Variants in ERC2 observed in about 807,000 individuals in gnomAD.
The protein encoded by ERC2 is ERC protein 2.
ERC2 carries 42 observed loss-of-function variants against 114.8 expected under a neutral mutation model. The ratio of observed to expected loss-of-function variants is 0.37; its 90% CI spans 0.29 to 0.47. The LOEUF (loss-of-function observed/expected upper bound fraction) is 0.47. ERC2 is among the 20% of genes least tolerant of loss of function. The probability of loss-of-function intolerance (pLI) is 0.99; values close to 1 mark genes in which losing one functional copy is unlikely to be tolerated. For synonymous variants in ERC2, 454 were observed against 425.5 expected (o/e 1.07, Z -0.82); for missense variants, 939 against 1,150.7 (o/e 0.82, Z 2.66).
At chr3:56,150,793 AATGTTGAGTTCCCCAGAAATATAT>A (rs1177143627) in intron 4 of ERC2, among the ~76,000 whole-genome samples, 27 of 152,142 alleles carry the variant, frequency 1.8e-4, no homozygotes, top group African/African-American at 6.3e-4. Flanking sequence ...TTATGGACTG[AATGTTGAGTTCCCCAGAAATATAT>A]ATGTTGAAGC....
intron 2 of ERC2, among the ~76,000 whole-genome samples, chr3:56,426,249 A>C (rs999978929): frequency 6.6e-6 from 1 of 152,194 alleles, no homozygotes; most frequent in African/African-American, 2.4e-5. Flanking sequence ...AGGTCTGAGA[A>C]GTGAGTACAT....
chr3:55,910,497 T>C lies in ERC2; in HGVS notation c.2404-21948A>G, dbSNP rs138135196. ...GTATATATGTAGACATATAAATATG[T>C]GTTTCTAACTCTGCTGGAAATGAGA... On this transcript the variant is annotated intron_variant, in intron 13 of 17. Transcript: ENST00000288221. Among the ~76,000 whole-genome samples the C allele has an allele frequency of 7.8e-3, 1,184 of 152,330 alleles. 21 individuals carry two copies. The South Asian group carries it at 0.084, about 11-fold the overall frequency.
chr3:56,099,118 T>C (rs1014132238), intron 6 of ERC2, among the ~76,000 whole-genome samples: 14 of 151,912 alleles, frequency 9.2e-5, no homozygotes, highest in Non-Finnish European at 1.9e-4. Context: ...CAGAGAAGAG[T>C]AGAAGGCCAC....
intron 5 of ERC2, among the ~76,000 whole-genome samples, chr3:56,145,689 G>T (rs2081099894): frequency 1.3e-5 from 2 of 152,228 alleles, no homozygotes; most frequent in South Asian, 4.1e-4. Context: ...TTGTATTCCT[G>T]CCTTTGCACA....
intron 14 of ERC2, among the ~76,000 whole-genome samples, chr3:55,782,552 C>G (rs1010266914): frequency 2.0e-5 from 3 of 152,138 alleles, no homozygotes; most frequent in African/African-American, 2.4e-5. Context: ...TCTATTTACT[C>G]GACAAATACA....
chr3:55,961,788 C>T lies in ERC2; in HGVS notation c.2268-11228G>A, dbSNP rs148177933. Among the ~76,000 whole-genome samples the T allele has an allele frequency of 6.5e-3, 948 of 145,910 alleles. 9 individuals carry two copies. The highest frequency in any genetic ancestry group is 0.023 in the African/African-American group (889 of 39,440). On this transcript the variant is annotated intron_variant, in intron 12 of 17. Transcript: ENST00000288221. The stretch of plus-strand genomic sequence containing the variant: ...ACATCTGTTTTCAGAAAGGCACTTT[C>T]TATTAAAAAAAATTCAATTTCATAA...
chr3:56,174,560 T>C (rs1396983386), intron 3 of ERC2, among the ~76,000 whole-genome samples: 1 of 152,172 alleles, frequency 6.6e-6, no homozygotes. Context: ...ATCACAAACA[T>C]TTACTTTTTT....
At chr3:55,778,801 C>T (rs1041228770) in intron 14 of ERC2, among the ~76,000 whole-genome samples, 4 of 151,802 alleles carry the variant, frequency 2.6e-5, no homozygotes, top group Non-Finnish European at 1.5e-5. Context: ...TTCATGCATA[C>T]AAATAATTAG....
At position 55,846,934 on chromosome 3, in the gene ERC2, A is replaced by G. The variant is rs376876789; in HGVS notation, c.2564+41455T>C. ...AAGTTCCAGACCCACTGCTTCATAC[A>G]TCTGCCTGTTATTTGTGGAGGTAAT... On this transcript the variant is annotated intron_variant, in intron 14 of 17. Transcript: ENST00000288221. Among the ~76,000 whole-genome samples, 20 of 152,296 alleles carry G rather than the reference A, an allele frequency of 1.3e-4. 1 individual carries two copies. Among genetic ancestry groups the G allele is most frequent in the Admixed American group, 9.2e-4 (14 of 15,300 alleles).
chr3:56,292,319 C>T (rs2055139833), intron 3 of ERC2, among the ~76,000 whole-genome samples: 2 of 151,462 alleles, frequency 1.3e-5, no homozygotes, highest in Admixed American at 6.6e-5. Context: ...CACGGTGGCT[C>T]ACACCTGTAA....
intron 14 of ERC2, among the ~76,000 whole-genome samples, chr3:55,768,399 T>A (rs1032093373): frequency 1.3e-5 from 2 of 152,252 alleles, no homozygotes; most frequent in African/African-American, 2.4e-5. Context: ...TAATAGGCAC[T>A]GTGCTTTGTG....
intron 11 of ERC2, among the ~76,000 whole-genome samples, 164 bp from the exon 12 acceptor site, chr3:55,986,152 T>C (rs2070615345): frequency 6.6e-6 from 1 of 152,184 alleles, no homozygotes; most frequent in Non-Finnish European, 1.5e-5. Context: ...TTATCTTATA[T>C]TACCCCCAAA....
intron 2 of ERC2, among the ~76,000 whole-genome samples, chr3:56,428,556 G>GGAGA (rs2061664856): frequency 2.1e-5 from 1 of 48,364 alleles, no homozygotes. Context: ...AGGAAGGAAG[G>GGAGA]GAGGGAGGGA....
intron 7 of ERC2, among the ~76,000 whole-genome samples, chr3:56,046,429 C>T (rs948979377): frequency 1.3e-5 from 2 of 152,148 alleles, no homozygotes; most frequent in African/African-American, 4.8e-5. Context: ...GGTATTTACA[C>T]TGATAAGGGC....
intron 1 of ERC2, among the ~76,000 whole-genome samples, chr3:56,435,833 C>A (rs1178642894): frequency 6.6e-6 from 1 of 152,210 alleles, no homozygotes; most frequent in Non-Finnish European, 1.5e-5. Context: ...ATAGCCAGAT[C>A]CTCAATGATA....
intron 15 of ERC2, among the ~76,000 whole-genome samples, chr3:55,724,395 A>G (rs557581689): frequency 1.3e-5 from 2 of 152,312 alleles, no homozygotes; most frequent in East Asian, 3.9e-4. Context: ...ACAGGGGCTA[A>G]GACCTAACTG....
At chr3:56,173,720 G>A (rs2082812082) in intron 3 of ERC2, 200 bp from the exon 4 acceptor site, 2 of 539,116 alleles carry the variant, frequency 3.7e-6, no homozygotes, top group Non-Finnish European at 6.5e-6. Context: ...CCTGGCACAT[G>A]CGCTATTTCT....
At chr3:55,908,754 C>T (rs777835247) in intron 13 of ERC2, among the ~76,000 whole-genome samples, 4 of 152,138 alleles carry the variant, frequency 2.6e-5, no homozygotes, top group Admixed American at 6.5e-5. Flanking sequence ...AACTCCTACA[C>T]GTTGGGTTGC....
At chr3:56,329,667 A>G (rs974580261) in intron 2 of ERC2, among the ~76,000 whole-genome samples, 4 of 152,178 alleles carry the variant, frequency 2.6e-5, no homozygotes, top group African/African-American at 9.7e-5. Flanking sequence ...GTCACAGCCC[A>G]GGGGCACAGG....
Sources: gnomAD v4.1 joint callset for allele counts (sites outside exome capture counted in the v4.1 genomes callset) on GRCh38, gnomAD v4.1.1 for gene constraint, MANE v1.5 for transcripts, NCBI Gene and HGNC (gene_info 2026-07-23, HGNC 2026-07-21) for gene names.